Variants in FRS2 observed in about 807,000 individuals in gnomAD.
FRS2 encodes the protein fibroblast growth factor receptor substrate 2, also known as FGFR signalling adaptor.
FRS2 carries 8 observed loss-of-function variants against 43.9 expected under a neutral mutation model. The ratio of observed to expected loss-of-function variants is 0.18; its 90% CI spans 0.11 to 0.33. The LOEUF is 0.33. Ranked by LOEUF, FRS2 falls within the 10% of genes least tolerant of loss-of-function variation. The probability of loss-of-function intolerance (pLI) is 1.00; values close to 1 mark genes in which losing one functional copy is unlikely to be tolerated. For synonymous variants in FRS2, 219 were observed against 220.3 expected, an observed-to-expected ratio of 0.99 and a Z score of 0.05; for missense variants, 534 against 627.6, an observed-to-expected ratio of 0.85 and a Z score of 1.59.
At chr12:69,537,979 G>A (rs2924135) in intron 3 of FRS2, 91,119 of 151,902 alleles carry the variant, frequency 0.6, 29,024 homozygotes, top group African/African-American at 0.82. Context: ...GTCATCTTCT[G>A]CAAGGTAGGT....
At chr12:69,537,597 C>CTT (rs887802142) in intron 3 of FRS2, among the ~76,000 whole-genome samples, 1 of 150,028 alleles carries the variant, frequency 6.7e-6, no homozygotes, top group Non-Finnish European at 1.5e-5. Context: ...TGTGTTAAGC[C>CTT]TTTTTTTTTC....
chr12:69,547,593 A>G (rs904875704), intron 3 of FRS2, among the ~76,000 whole-genome samples: 1 of 152,240 alleles, frequency 6.6e-6, no homozygotes, highest in African/African-American at 2.4e-5. Context: ...AATTATACCC[A>G]GTGGAATGCA....
intron 1 of FRS2, among the ~76,000 whole-genome samples, chr12:69,528,444 A>AT (rs1030377932): frequency 1.2e-4 from 19 of 152,162 alleles, no homozygotes; most frequent in Middle Eastern, 3.4e-3. Context: ...AGGGAATGCC[A>AT]TTTTTTTGCT....
intron 4 of FRS2, among the ~76,000 whole-genome samples, chr12:69,566,465 A>G (rs1049304468): frequency 1.3e-5 from 2 of 152,084 alleles, no homozygotes; most frequent in Admixed American, 6.6e-5. Context: ...AACATTTACT[A>G]TTTTTTAAAA....
intron 3 of FRS2, among the ~76,000 whole-genome samples, chr12:69,558,071 C>T (rs1342739490): frequency 2.0e-5 from 3 of 151,904 alleles, no homozygotes; most frequent in Non-Finnish European, 2.9e-5. Context: ...AAACAAAATA[C>T]ATGATTAAAA....
rs186368332 is a variant in FRS2 at position 69,484,858 on chromosome 12, A to G, written c.-261+14328A>G. Among the ~76,000 whole-genome samples, 134 of 152,308 alleles carry G rather than the reference A, an allele frequency of 8.8e-4. 1 individual carries two copies. Among genetic ancestry groups the G allele is most frequent in the African/African-American group, 2.9e-3 (121 of 41,556 alleles). On this transcript the variant is annotated intron_variant, in intron 1 of 8. Coordinates refer to ENST00000549921, the MANE Select transcript of FRS2 (RefSeq NM_001278356.2). ...ATATGAATACAAAAATAACAAAACA[A>G]CAAGAAAATTGTGCATCTTTTACTT...
chr12:69,485,093 A>ACACACACACACACACACACGCG lies in FRS2; in HGVS notation c.-261+14582_-261+14583insGCGCACACACACACACACACAC, dbSNP rs1179154157. Reference sequence around the variant, plus strand: ...AGACCTCATCTTAAAACACACACACACACACACACACACACACACACACAC... The same window carrying ACACACACACACACACACACGCG: ...AGACCTCATCTTAAAACACACACACACACACACACACACACACACGCGCACACACACACACACACACACACAC... On this transcript the variant is annotated intron_variant, in intron 1 of 8. Coordinates refer to ENST00000549921, the MANE Select transcript of FRS2 (RefSeq NM_001278356.2). Among the ~76,000 whole-genome samples the ACACACACACACACACACACGCG allele has an allele frequency of 6.9e-5, 9 of 130,974 alleles. No homozygotes were observed. In the East Asian group the frequency reaches 1.3e-3, roughly 18 times the overall value. 85.9% of individuals were successfully genotyped at this position (130,974 alleles called of 152,430 possible).
chr12:69,522,534 C>T (rs1068256), intron 1 of FRS2, among the ~76,000 whole-genome samples: 14,223 of 151,866 alleles, frequency 0.094, 878 homozygotes, highest in Non-Finnish European at 0.14. Context: ...TAATTTTTTT[C>T]AAAAAGCCAA....
intron 7 of FRS2, among the ~76,000 whole-genome samples, chr12:69,571,643 C>T (rs1395122723): frequency 6.6e-6 from 1 of 152,178 alleles, no homozygotes; most frequent in Non-Finnish European, 1.5e-5. Flanking sequence ...GGGCAGATCA[C>T]TAGGTCAGGA....
intron 3 of FRS2, among the ~76,000 whole-genome samples, chr12:69,544,118 T>A (rs1380716346): frequency 6.6e-6 from 1 of 151,016 alleles, no homozygotes; most frequent in Non-Finnish European, 1.5e-5. Context: ...TTTTTTTTTT[T>A]AAGAGTACTG....
At chr12:69,524,969 G>A (rs1876059938) in intron 1 of FRS2, among the ~76,000 whole-genome samples, 1 of 152,112 alleles carries the variant, frequency 6.6e-6, no homozygotes, top group Non-Finnish European at 1.5e-5. Flanking sequence ...AGGGTTCCCA[G>A]CTTCCTCCCG....
intron 1 of FRS2, among the ~76,000 whole-genome samples, chr12:69,471,041 G>A (rs1870234999): frequency 6.6e-6 from 1 of 152,154 alleles, no homozygotes; most frequent in East Asian, 1.9e-4. Flanking sequence ...CTTTTGCAGG[G>A]CTTTTCATCC....
intron 3 of FRS2, among the ~76,000 whole-genome samples, chr12:69,556,436 G>C (rs1426761984): frequency 6.6e-6 from 1 of 151,532 alleles, no homozygotes; most frequent in Non-Finnish European, 1.5e-5. Context: ...AGGGTCAAGC[G>C]ATTCACATGT....
intron 3 of FRS2, among the ~76,000 whole-genome samples, chr12:69,556,628 T>G (rs1274666328): frequency 6.6e-6 from 1 of 152,246 alleles, no homozygotes; most frequent in African/African-American, 2.4e-5. Flanking sequence ...AGCTTTTGCT[T>G]ACTTTTCTGT....
chr12:69,506,895 C>CATGGATTA (rs143354765), intron 1 of FRS2, among the ~76,000 whole-genome samples: 6 of 152,082 alleles, frequency 3.9e-5, no homozygotes, highest in Admixed American at 3.9e-4. Flanking sequence ...TTAATACATT[C>CATGGATTA]ATGGATTAAT....
intron 3 of FRS2, among the ~76,000 whole-genome samples, chr12:69,540,296 A>G (rs1877775323): frequency 6.6e-6 from 1 of 151,680 alleles, no homozygotes; most frequent in South Asian, 2.1e-4. Context: ...AATAAAAATA[A>G]CAAAATAGAC....
intron 1 of FRS2, among the ~76,000 whole-genome samples, chr12:69,528,799 C>G (rs920220909): frequency 6.6e-6 from 1 of 152,132 alleles, no homozygotes; most frequent in Admixed American, 6.5e-5. Flanking sequence ...GGGCAGATTT[C>G]TTTGATGAGA....
chr12:69,568,533 G>T (rs1471940747), intron 4 of FRS2, among the ~76,000 whole-genome samples: 1 of 151,768 alleles, frequency 6.6e-6, no homozygotes, highest in Non-Finnish European at 1.5e-5. Context: ...CTGCCTGCCT[G>T]CCTGTCTCTG....
intron 3 of FRS2, among the ~76,000 whole-genome samples, chr12:69,544,757 G>T (rs1307907114): frequency 6.6e-6 from 1 of 151,950 alleles, no homozygotes; most frequent in Non-Finnish European, 1.5e-5. Context: ...TTTCAACGTA[G>T]TAAAAGCCAT....
Sources: allele counts gnomAD v4.1 joint callset (sites outside exome capture counted in the v4.1 genomes callset), GRCh38; gene constraint gnomAD v4.1.1; transcripts MANE v1.5; gene names NCBI Gene and HGNC (gene_info 2026-07-23, HGNC 2026-07-21).